ITGB6: variants seen among roughly 807,000 people sequenced by gnomAD.
ITGB6 encodes integrin beta-6.
ITGB6 carries 80 observed loss-of-function variants against 84.5 expected under a neutral mutation model. The ratio of observed to expected loss-of-function variants is 0.95; its 90% CI spans 0.79 to 1.14. ITGB6 has a LOEUF of 1.14. Among genes scored for constraint, ITGB6 ranks in the 50% most tolerant of loss-of-function variants. The pLI, the probability that ITGB6 is intolerant of heterozygous loss-of-function variation, is 0.00. For missense variants in ITGB6, 1,006 were observed against 968.0 expected (o/e 1.04, Z -0.52); for synonymous variants, 383 against 354.9 (o/e 1.08, Z -0.89).
At chr2:160,182,068 C>T (rs1318682411) in intron 4 of ITGB6, among the ~76,000 whole-genome samples, 5 of 152,118 alleles carry the variant, frequency 3.3e-5, no homozygotes, top group African/African-American at 9.7e-5. Flanking sequence ...AATTCCAAAA[C>T]CCAGAATGCC....
At chr2:160,162,861 C>A (rs1435576327) in intron 7 of ITGB6, among the ~76,000 whole-genome samples, 1 of 152,176 alleles carries the variant, frequency 6.6e-6, no homozygotes, top group Admixed American at 6.5e-5. Context: ...CTCAGGTGAT[C>A]CACCCACCTC....
chr2:160,195,847 G>A (rs1240315425), intron 3 of ITGB6, among the ~76,000 whole-genome samples: 1 of 152,206 alleles, frequency 6.6e-6, no homozygotes, highest in Non-Finnish European at 1.5e-5. Context: ...CTCCTTGGGA[G>A]AACTAGCATC....
chr2:160,152,171 T>C (rs948990326), intron 7 of ITGB6, among the ~76,000 whole-genome samples: 1 of 152,216 alleles, frequency 6.6e-6, no homozygotes, highest in African/African-American at 2.4e-5. Context: ...CCAATATCTC[T>C]GATGATCATC....
At chr2:160,196,152 G>A in intron 3 of ITGB6, 64 bp downstream of exon 3, 1 of 1,307,332 alleles carries the variant, frequency 7.6e-7, no homozygotes, top group Non-Finnish European at 1.1e-6. Context: ...AGACACATTA[G>A]CAAGGTAGCA....
intron 7 of ITGB6, among the ~76,000 whole-genome samples, chr2:160,157,240 C>A (rs1268422013): frequency 6.6e-6 from 1 of 152,176 alleles, no homozygotes; most frequent in Non-Finnish European, 1.5e-5. Flanking sequence ...CACAATGACC[C>A]TGTTTCCAAA....
At chr2:160,136,908 G>C (rs1376984054) in intron 10 of ITGB6, among the ~76,000 whole-genome samples, 1 of 151,944 alleles carries the variant, frequency 6.6e-6, no homozygotes, top group African/African-American at 2.4e-5. Flanking sequence ...TTGTGGGGTG[G>C]GGGGAAGGGG....
chr2:160,185,292 C>A (rs908754500), intron 4 of ITGB6, among the ~76,000 whole-genome samples: 3 of 152,190 alleles, frequency 2.0e-5, no homozygotes, highest in Non-Finnish European at 4.4e-5. Flanking sequence ...TCTCAGGATA[C>A]AAAATCAATG....
intron 7 of ITGB6, among the ~76,000 whole-genome samples, chr2:160,145,941 C>T (rs1283459695): frequency 1.3e-5 from 2 of 152,112 alleles, no homozygotes; most frequent in Non-Finnish European, 1.5e-5. Context: ...GTCAGTGTTT[C>T]GTATTAACTG....
intron 10 of ITGB6, among the ~76,000 whole-genome samples, chr2:160,135,069 A>C (rs1375412050): frequency 6.6e-6 from 1 of 152,110 alleles, no homozygotes; most frequent in East Asian, 1.9e-4. Flanking sequence ...ATCAGGCAGG[A>C]GAAAGAAATA....
At chr2:160,122,746 G>A (rs1052110382) in intron 12 of ITGB6, among the ~76,000 whole-genome samples, 4 of 152,188 alleles carry the variant, frequency 2.6e-5, no homozygotes, top group Admixed American at 2.0e-4. Flanking sequence ...TAATCCAATT[G>A]TGCATAGTTA....
chr2:160,199,146 G>A (rs964643437), intron 2 of ITGB6, 33 bp downstream of exon 2: 2 of 1,549,968 alleles, frequency 1.3e-6, no homozygotes, highest in Non-Finnish European at 1.8e-6. Context: ...CTGCAGACAG[G>A]TTTTAAAAAC....
chr2:160,143,221 G>A (rs1203436691), intron 7 of ITGB6, among the ~76,000 whole-genome samples: 1 of 152,058 alleles, frequency 6.6e-6, no homozygotes, highest in East Asian at 1.9e-4. Flanking sequence ...GGAGGTTGAG[G>A]CTGCAGTGAG....
chr2:160,143,798 G>A (rs1195790188), intron 7 of ITGB6, among the ~76,000 whole-genome samples: 3 of 152,054 alleles, frequency 2.0e-5, no homozygotes, highest in African/African-American at 7.2e-5. Context: ...AATAAATTAG[G>A]ACAAAGAGAA....
intron 8 of ITGB6, among the ~76,000 whole-genome samples, 177 bp downstream of exon 8, chr2:160,141,802 GGAA>G (rs1684009764): frequency 6.6e-6 from 1 of 152,108 alleles, no homozygotes; most frequent in Admixed American, 6.6e-5. Context: ...CCACCTTCCA[GGAA>G]GAAGATCAGC....
At chr2:160,116,793 G>A (rs1574045153) in intron 12 of ITGB6, among the ~76,000 whole-genome samples, 1 of 152,038 alleles carries the variant, frequency 6.6e-6, no homozygotes. Context: ...GACACACATA[G>A]GCTCAAAATA....
At chr2:160,176,603 C>T (rs1359240434) in intron 4 of ITGB6, among the ~76,000 whole-genome samples, 1 of 152,174 alleles carries the variant, frequency 6.6e-6, no homozygotes. Flanking sequence ...TGGGATCAAA[C>T]AGGCAAAGAA....
intron 11 of ITGB6, among the ~76,000 whole-genome samples, chr2:160,125,856 C>A (rs78940017): frequency 1.2e-4 from 18 of 152,114 alleles, no homozygotes; most frequent in South Asian, 4.2e-4. Flanking sequence ...CAAAGAAAGG[C>A]GCCAAAGAGC....
chr2:160,176,238 T>C (rs1226673399), intron 4 of ITGB6, among the ~76,000 whole-genome samples: 2 of 152,140 alleles, frequency 1.3e-5, no homozygotes, highest in Non-Finnish European at 2.9e-5. Flanking sequence ...AACACAAATT[T>C]GAAAAGCTCT....
Position 160,172,556 on chromosome 2 carries a change from G to A in ITGB6, c.921+13C>T. ...TATAGCCCTGAAAACAGTACAGAGTGCAGGTTACACACCAAGACAGTTGAC... is the reference window on the plus strand; with the variant it reads ...TATAGCCCTGAAAACAGTACAGAGTACAGGTTACACACCAAGACAGTTGAC... On this transcript the variant is annotated intron_variant, in intron 6 of 14. Transcript: ENST00000283249. 1 of 1,584,712 alleles carries A rather than the reference G, an allele frequency of 6.3e-7. No homozygotes were observed. Among genetic ancestry groups the A allele is most frequent in the Non-Finnish European group, 8.7e-7 (1 of 1,155,988 alleles).
Sources: gnomAD v4.1 joint callset for allele counts (sites outside exome capture counted in the v4.1 genomes callset) on GRCh38, gnomAD v4.1.1 for gene constraint, MANE v1.5 for transcripts, NCBI Gene and HGNC (gene_info 2026-07-23, HGNC 2026-07-21) for gene names.